Variants in APLF observed in about 807,000 individuals in gnomAD.
APLF encodes the protein aprataxin and PNKP like factor, also known as aprataxin and PNK-like factor.
Under a neutral mutation model 55.6 loss-of-function variants are expected in APLF, and 61 were observed. The observed-to-expected ratio is 1.10, with a 90% CI of 0.89 to 1.36. APLF has a LOEUF of 1.36. Ranked by LOEUF, APLF falls within the 40% of genes most tolerant of loss-of-function variation. The pLI is 0.00. For missense variants in APLF, 611 were observed against 602.5 expected, an observed-to-expected ratio of 1.01 and a Z score of -0.15; for synonymous variants, 207 against 214.8, an observed-to-expected ratio of 0.96 and a Z score of 0.32.
At chr2:68,519,071 A>AAT (rs1669804740) in intron 5 of APLF, among the ~76,000 whole-genome samples, 3 of 126,860 alleles carry the variant, frequency 2.4e-5, no homozygotes, top group African/African-American at 8.8e-5. Context: ...AATATATAAT[A>AAT]ATAATATAAT....
intron 1 of APLF, among the ~76,000 whole-genome samples, chr2:68,469,356 G>A (rs1372572459): frequency 2.0e-5 from 3 of 152,098 alleles, no homozygotes; most frequent in Non-Finnish European, 4.4e-5. Context: ...TTTTAGGGCC[G>A]TGGTTTAGAA....
rs899430478 is a variant in APLF, at chr2:68,578,629, T to C, written c.*607T>C. On this transcript the variant is annotated 3_prime_UTR_variant, in exon 10 of 10. Transcript: ENST00000303795. The stretch of plus-strand genomic sequence containing the variant: ...CTGTAGAAGAGAAATGTTCACCATG[T>C]AGGGAATGTTATTTTGTGTTCCACA... 3 of 985,386 alleles carry C rather than the reference T, an allele frequency of 3.0e-6. No homozygotes were observed. The highest frequency in any genetic ancestry group is 1.1e-4 in the East Asian group (1 of 8,822). The allele number at this position is 985,386 out of a possible 1,614,324, so 61.0% of individuals were successfully genotyped here.
Position 68,579,260 on chromosome 2 carries a change from A to G in APLF, c.*1238A>G, listed in dbSNP as rs1671704477. 1.2e-6 allele frequency: 1 copy of G among 832,062 alleles called. No individual in the cohort carries two copies. The highest frequency in any genetic ancestry group is 6.2e-4 in the Middle Eastern group (1 of 1,620). The allele number at this position is 832,062 out of a possible 1,614,324, so 51.5% of individuals were successfully genotyped here. On this transcript the variant is annotated 3_prime_UTR_variant, in exon 10 of 10. Coordinates refer to ENST00000303795, the MANE Select transcript of APLF (RefSeq NM_173545.3). ...AAACTGGAACAAGAATAAGATAAAC[A>G]TTTCTCTAGACTATAACCTATTATT...
intron 5 of APLF, among the ~76,000 whole-genome samples, chr2:68,518,903 T>C (rs1276220340): frequency 1.8e-4 from 23 of 125,580 alleles, no homozygotes; most frequent in Admixed American, 1.6e-3. Context: ...ATCATTAATA[T>C]ATAATAAAAT....
intron 1 of APLF, among the ~76,000 whole-genome samples, chr2:68,479,655 C>T (rs1266963280): frequency 6.6e-6 from 1 of 152,156 alleles, no homozygotes; most frequent in Non-Finnish European, 1.5e-5. Context: ...TTCTATGATA[C>T]AGACCCTGAA....
intron 6 of APLF, among the ~76,000 whole-genome samples, chr2:68,536,358 A>G (rs1308242092): frequency 6.6e-6 from 1 of 152,220 alleles, no homozygotes; most frequent in Admixed American, 6.5e-5. Flanking sequence ...TTCTTAAAAA[A>G]TGAAATATCT....
chr2:68,495,951 A>G (rs1030160639), intron 2 of APLF, among the ~76,000 whole-genome samples: 1 of 152,252 alleles, frequency 6.6e-6, no homozygotes, highest in Non-Finnish European at 1.5e-5. Context: ...AAGGCCATGC[A>G]GGGCAGCAGG....
chr2:68,495,314 A>G (rs982587897), intron 2 of APLF, among the ~76,000 whole-genome samples: 9 of 152,204 alleles, frequency 5.9e-5, no homozygotes, highest in Admixed American at 1.3e-4. Flanking sequence ...CTAAGAAACA[A>G]TGGGGGTATA....
intron 7 of APLF, among the ~76,000 whole-genome samples, 165 bp from the exon 8 acceptor site, chr2:68,545,022 A>G (rs540729946): frequency 6.6e-5 from 10 of 152,244 alleles, no homozygotes; most frequent in Non-Finnish European, 1.2e-4. Context: ...ACTTTATGTC[A>G]TCAATTTAGC....
intron 2 of APLF, among the ~76,000 whole-genome samples, chr2:68,501,098 G>A (rs907151427): frequency 2.6e-5 from 4 of 152,064 alleles, no homozygotes; most frequent in South Asian, 2.1e-4. Flanking sequence ...AATAATGGCC[G>A]ACCAAATTTG....
At chr2:68,535,073 TG>T (rs1295076216) in intron 6 of APLF, among the ~76,000 whole-genome samples, 1 of 152,248 alleles carries the variant, frequency 6.6e-6, no homozygotes, top group African/African-American at 2.4e-5. Flanking sequence ...CGAGAACCCC[TG>T]ATCCATAGTA....
At chr2:68,499,860 T>C (rs1397021120) in intron 2 of APLF, among the ~76,000 whole-genome samples, 1 of 151,910 alleles carries the variant, frequency 6.6e-6, no homozygotes, top group African/African-American at 2.4e-5. Context: ...AATAAATAAA[T>C]ACTTTCAAAC....
chr2:68,578,595 T>G lies in APLF; in HGVS notation c.*573T>G. On this transcript the variant is annotated 3_prime_UTR_variant, in exon 10 of 10. Transcript: ENST00000303795. The stretch of plus-strand genomic sequence containing the variant: ...TTCCAAATGGGTACTGAAAATAGAT[T>G]CAACTAGGCTGTAGAAGAGAAATGT... 1.0e-6 allele frequency: 1 copy of G among 985,478 alleles called. No individual in the cohort carries two copies. Among genetic ancestry groups the G allele is most frequent in the Non-Finnish European group, 1.2e-6 (1 of 830,006 alleles). The allele number at this position is 985,478 out of a possible 1,614,324, so 61.0% of individuals were successfully genotyped here. A position where few individuals can be genotyped will look rare whatever the true frequency, so the allele number is the denominator to read the frequency against.
intron 1 of APLF, among the ~76,000 whole-genome samples, chr2:68,472,223 C>G (rs1303118307): frequency 3.3e-5 from 5 of 151,998 alleles, no homozygotes; most frequent in Non-Finnish European, 5.9e-5. Context: ...GTGCCTGGCT[C>G]TTAATTGATT....
intron 1 of APLF, among the ~76,000 whole-genome samples, chr2:68,475,116 C>G (rs1219002635): frequency 6.6e-6 from 1 of 152,212 alleles, no homozygotes; most frequent in Non-Finnish European, 1.5e-5. Context: ...AAAATAACTA[C>G]TTAGACACAT....
intron 1 of APLF, among the ~76,000 whole-genome samples, chr2:68,476,161 T>A (rs1040899882): frequency 6.6e-6 from 1 of 152,002 alleles, no homozygotes; most frequent in Admixed American, 6.6e-5. Flanking sequence ...GTTTTTTGTG[T>A]GTATTATGCT....
chr2:68,542,197 G>T (rs1315383481), intron 7 of APLF, among the ~76,000 whole-genome samples: 1 of 151,968 alleles, frequency 6.6e-6, no homozygotes, highest in Admixed American at 6.6e-5. Context: ...AAAACTACAA[G>T]ACTCTTAGAA....
At position 68,578,186 on chromosome 2, in the gene APLF, C is replaced by G; in HGVS notation, c.*164C>G. ...AATGAGACATTGAAACGTCAGCCTT[C>G]AGTATAATAGATGGAATTTTTTGTT... On this transcript the variant is annotated 3_prime_UTR_variant, in exon 10 of 10. Transcript: ENST00000303795. The G allele has an allele frequency of 2.1e-6, 3 of 1,396,570 alleles. No individual in the cohort carries two copies. In the South Asian group the frequency reaches 4.8e-5, roughly 22 times the overall value. The allele number at this position is 1,396,570 out of a possible 1,614,324, so 86.5% of individuals were successfully genotyped here.
intron 6 of APLF, among the ~76,000 whole-genome samples, chr2:68,530,381 G>A (rs2103991948): frequency 6.6e-6 from 1 of 152,256 alleles, no homozygotes; most frequent in East Asian, 1.9e-4. Context: ...AAGATGTAGG[G>A]CAGGAACTAC....
Sources: allele counts gnomAD v4.1 joint callset (sites outside exome capture counted in the v4.1 genomes callset), GRCh38; gene constraint gnomAD v4.1.1; transcripts MANE v1.5; gene names NCBI Gene and HGNC (gene_info 2026-07-23, HGNC 2026-07-21).